COL12A1: variants seen among roughly 807,000 people sequenced by gnomAD.
COL12A1 encodes collagen type XII alpha 1 chain.
In COL12A1, 114 loss-of-function variants were observed where a neutral mutation model predicts 349.7. That is an observed-to-expected ratio of 0.33 (90% CI 0.28 to 0.38). COL12A1 has a LOEUF of 0.38. Ranked by LOEUF, COL12A1 falls within the 10% of genes least tolerant of loss-of-function variation. The probability of loss-of-function intolerance (pLI) is 1.00; values close to 1 mark genes in which losing one functional copy is unlikely to be tolerated. For missense variants in COL12A1, 3,284 were observed against 3,756.9 expected (o/e 0.87, Z 3.29); for synonymous variants, 1,369 against 1,329.0 (o/e 1.03, Z -0.66).
rs1272354051 is a variant in COL12A1 at position 75,090,976 on chromosome 6, G to A, written c.8752+347C>T. Among the ~76,000 whole-genome samples, 9 of 152,128 alleles carry A rather than the reference G, an allele frequency of 5.9e-5. No individual in the cohort carries two copies. The highest frequency in any genetic ancestry group is 1.3e-4 in the Non-Finnish European group (9 of 68,020). ...GAGCCTGTGAAAAACAGGCAAGAGA[G>A]AGTTTCCTACCAAAATCAACTTTCA... On this transcript the variant is annotated intron_variant, in intron 62 of 65. Transcript: ENST00000322507. The surrounding 1 kb of genome is among the most constrained non-coding windows in gnomAD (Gnocchi z 4.1).
chr6:75,119,231 A>T (rs1348231570), intron 45 of COL12A1, 45 bp from the exon 46 acceptor site: 1 of 1,613,356 alleles, frequency 6.2e-7, no homozygotes, highest in South Asian at 1.1e-5. Flanking sequence ...TTCAGTGAAA[A>T]CTACCCAAAT....
rs761581339 is a variant in COL12A1 at position 75,137,423 on chromosome 6, T to C, written c.5394+14A>G. ...TAGAATTAATCCAAGTTATAATTTT[T>C]ATTAAAAAATTACCGTTTGCTCATT... is the stretch of plus-strand genomic sequence containing the variant. On this transcript the variant is annotated intron_variant, in intron 31 of 65. Transcript: ENST00000322507. 8 of 1,553,140 alleles carry C rather than the reference T, an allele frequency of 5.2e-6. No homozygotes were observed. The highest frequency in any genetic ancestry group is 2.1e-5 in the Admixed American group (1 of 48,682).
intron 24 of COL12A1, among the ~76,000 whole-genome samples, chr6:75,145,682 A>G (rs1192292667): frequency 2.1e-5 from 3 of 139,896 alleles, no homozygotes; most frequent in Non-Finnish European, 4.5e-5. Context: ...CCCAGGCTGG[A>G]GTGCAGTGGC....
chr6:75,202,864 C>A (rs985850564), intron 1 of COL12A1, 37 bp from the exon 2 acceptor site: 11 of 1,413,522 alleles, frequency 7.8e-6, no homozygotes, highest in Non-Finnish European at 1.1e-5. Context: ...AGAACTGGGT[C>A]TGGGCAGGCC....
In COL12A1 at chr6:75,166,073, T is replaced by C. The variant is rs565741124; in HGVS notation, c.2711-294A>G. ...ACATCCAAATTTGAAGGAGTATTTG[T>C]CTTTAAAAAAAAATTCCAAAGGAAA... On this transcript the variant is annotated intron_variant, in intron 13 of 65. Transcript: ENST00000322507. Among the ~76,000 whole-genome samples the C allele has an allele frequency of 4.6e-5, 7 of 152,196 alleles. No individual in the cohort carries two copies. The South Asian group carries it at 1.2e-3, about 27-fold the overall frequency.
chr6:75,173,443 C>A (rs1040983863), intron 13 of COL12A1, among the ~76,000 whole-genome samples: 2 of 151,708 alleles, frequency 1.3e-5, no homozygotes, highest in African/African-American at 4.8e-5. Context: ...ATGGTGCAAT[C>A]TCGGCTCACT....
intron 52 of COL12A1, 38 bp from the exon 53 acceptor site, chr6:75,106,534 T>G: frequency 6.3e-7 from 1 of 1,583,024 alleles, no homozygotes; most frequent in South Asian, 1.1e-5. Context: ...TAAAGATGCA[T>G]GAAAAACATT....
chr6:75,089,069 T>C, intron 64 of COL12A1, 37 bp downstream of exon 64: 1 of 1,466,186 alleles, frequency 6.8e-7, no homozygotes, highest in South Asian at 1.1e-5. Context: ...TCTCGGTATT[T>C]ATAGTCTTTG....
intron 2 of COL12A1, among the ~76,000 whole-genome samples, chr6:75,196,817 G>A (rs887937199): frequency 1.3e-5 from 2 of 152,216 alleles, no homozygotes; most frequent in Non-Finnish European, 2.9e-5. Context: ...AACCTTGGAA[G>A]GAAAATGACC....
At chr6:75,167,227 CTTCT>C (rs1768354605) in intron 13 of COL12A1, among the ~76,000 whole-genome samples, 1 of 152,016 alleles carries the variant, frequency 6.6e-6, no homozygotes, top group Non-Finnish European at 1.5e-5. Flanking sequence ...TGGCTGTGGG[CTTCT>C]TTGTTTTGTT....
At chr6:75,204,499 T>C (rs1770677151) in intron 1 of COL12A1, among the ~76,000 whole-genome samples, 1 of 152,204 alleles carries the variant, frequency 6.6e-6, no homozygotes, top group Non-Finnish European at 1.5e-5. Flanking sequence ...ATCCCGTCAA[T>C]ATATGTTTTA....
rs1302611725 is a variant in COL12A1, at chr6:75,115,821, T to A, written c.7660A>T (p.Arg2554Trp). Residue 2554 changes from arginine (R) to tryptophan (W), a missense_variant, in exon 49 of 66, where the codon AGG becomes TGG. Arg to Trp is a moderately radical substitution (Grantham distance 101). This residue lies in a region of COL12A1 where 683 missense variants were observed against 932.1 expected (regional missense o/e 0.73). Transcript: ENST00000322507. ...TTCACAAACGCATTCTTCTGAATCC[T>A]GTATGCTGAGTAGCTGGGGAAAGAC... is the stretch of plus-strand genomic sequence containing the variant. ...SGSFPSYSAY[R>W]IQKNAFVNQP... The A allele has an allele frequency of 6.2e-7, 1 of 1,613,432 alleles. No individual in the cohort carries two copies. Among genetic ancestry groups the A allele is most frequent in the Admixed American group, 1.7e-5 (1 of 59,944 alleles).
chr6:75,121,368 G>T lies in COL12A1; in HGVS notation c.7020C>A (p.Asn2340Lys). The part of the protein sequence containing the change: ...ASWSIGDDNF[N>K]KVVKFIFNTV... Reference sequence around the variant, plus strand: ...TATTGAAGATGAATTTTACAACTTTGTTAAAATTATCGTCCCCAATGCTCC... The same window carrying T: ...TATTGAAGATGAATTTTACAACTTTTTTAAAATTATCGTCCCCAATGCTCC... The change falls in exon 44 of 66, where the codon AAC becomes AAA. Residue 2340 changes from asparagine (N) to lysine (K), a missense_variant. Physicochemically the swap from Asn to Lys is moderately conservative, Grantham distance 94. This residue lies in a region of COL12A1 where 683 missense variants were observed against 932.1 expected (regional missense o/e 0.73). Coordinates refer to ENST00000322507, the MANE Select transcript of COL12A1 (RefSeq NM_004370.6). The T allele has an allele frequency of 6.2e-7, 1 of 1,611,964 alleles. No homozygotes were observed. The highest frequency in any genetic ancestry group is 8.5e-7 in the Non-Finnish European group (1 of 1,178,560).
chr6:75,184,744 T>C (rs1003791662), intron 8 of COL12A1, among the ~76,000 whole-genome samples: 2 of 152,210 alleles, frequency 1.3e-5, no homozygotes, highest in Non-Finnish European at 2.9e-5. Context: ...GCTTATAACA[T>C]GCATATTAAC....
Position 75,090,415 on chromosome 6 carries a change from G to A in COL12A1, c.8753-117C>T, listed in dbSNP as rs375659608. 16 of 936,902 alleles carry A rather than the reference G, an allele frequency of 1.7e-5. No homozygotes were observed. In the African/African-American group the frequency reaches 2.5e-4, roughly 15 times the overall value. The allele number at this position is 936,902 out of a possible 1,614,324, so 58.0% of individuals were successfully genotyped here. A position where few individuals can be genotyped will look rare whatever the true frequency, so the allele number is the denominator to read the frequency against. ...ATCTCCATTCTGCAACCCCTCTAAG[G>A]AAACAATCTAATTAGAATCCTAAAA... On this transcript the variant is annotated intron_variant, in intron 62 of 65. Coordinates refer to ENST00000322507, the MANE Select transcript of COL12A1 (RefSeq NM_004370.6). This position sits in a 1 kb window ranked among gnomAD's most constrained non-coding sequence, Gnocchi z 4.1.
At chr6:75,138,427 A>C in intron 29 of COL12A1, 21 bp downstream of exon 29, 2 of 1,610,098 alleles carry the variant, frequency 1.2e-6, no homozygotes, top group Non-Finnish European at 1.7e-6. Context: ...TCAATGTCCT[A>C]TTTGAAAGCT....
At chr6:75,125,322 G>A in intron 39 of COL12A1, 49 bp from the exon 40 acceptor site, 3 of 1,508,828 alleles carry the variant, frequency 2.0e-6, no homozygotes, top group Non-Finnish European at 2.7e-6. Flanking sequence ...TCAATAGCAT[G>A]AAATTTTGCT....
intron 59 of COL12A1, 34 bp from the exon 60 acceptor site, chr6:75,095,213 G>A (rs750334225): frequency 6.5e-7 from 1 of 1,543,134 alleles, no homozygotes; most frequent in Admixed American, 1.7e-5. Context: ...GGACTGTTAT[G>A]ACAAAGGGAA....
chr6:75,085,297 C>G lies in COL12A1; in HGVS notation c.*1250G>C, dbSNP rs763111390. The G allele has an allele frequency of 6.8e-5, 32 of 471,010 alleles. No individual in the cohort carries two copies. Among genetic ancestry groups the G allele is most frequent in the Non-Finnish European group, 1.2e-4 (28 of 227,060 alleles). The allele number at this position is 471,010 out of a possible 1,614,324, so 29.2% of individuals were successfully genotyped here. A position where few individuals can be genotyped will look rare whatever the true frequency, so the allele number is the denominator to read the frequency against. On this transcript the variant is annotated 3_prime_UTR_variant, in exon 66 of 66. Transcript: ENST00000322507. ...TAGTCCTCGTATTCCGCTGTCCGCT[C>G]GGGCTCCACCGGCACGATGAAGGGC...
Sources: allele counts gnomAD v4.1 joint callset (sites outside exome capture counted in the v4.1 genomes callset), GRCh38; gene constraint gnomAD v4.1.1; regional missense constraint gnomAD v4.1.1; non-coding constraint Gnocchi (gnomAD v3.1); transcripts MANE v1.5; gene names NCBI Gene and HGNC (gene_info 2026-07-23, HGNC 2026-07-21).